USH2A: variants seen among roughly 807,000 people sequenced by gnomAD.
USH2A encodes usherin, also known as Usher syndrome 2A (autosomal recessive, mild).
Under a neutral mutation model 538.9 loss-of-function variants are expected in USH2A, and 443 were observed. The ratio of observed to expected loss-of-function variants is 0.82; its 90% CI spans 0.76 to 0.89. The LOEUF (loss-of-function observed/expected upper bound fraction) is 0.89, where lower values mean the gene tolerates loss of function less well. Ranked by LOEUF, USH2A falls within the 40% of genes least tolerant of loss-of-function variation. The pLI is 0.00. For missense variants in USH2A, 6,633 were observed against 6,324.8 expected (o/e 1.05, Z -1.65); for synonymous variants, 2,413 against 2,273.5 (o/e 1.06, Z -1.75).
chr1:215,801,270 T>A (rs972187229), intron 49 of USH2A, among the ~76,000 whole-genome samples: 4 of 151,714 alleles, frequency 2.6e-5, no homozygotes, highest in Admixed American at 6.6e-5. Context: ...CTACATAATA[T>A]TGGATATTAT....
At chr1:216,220,610 A>G (rs2035438316) in intron 14 of USH2A, among the ~76,000 whole-genome samples, 1 of 151,768 alleles carries the variant, frequency 6.6e-6, no homozygotes, top group South Asian at 2.1e-4. Flanking sequence ...GAAAAAAAAG[A>G]AAAAGCAGAA....
intron 44 of USH2A, among the ~76,000 whole-genome samples, chr1:215,852,957 T>C (rs538860284): frequency 1.7e-4 from 26 of 152,290 alleles, no homozygotes; most frequent in Admixed American, 6.5e-4. Flanking sequence ...GTGCAAGCTG[T>C]TGGTGGATCT....
chr1:216,208,112 C>T (rs1025424793), intron 15 of USH2A, among the ~76,000 whole-genome samples: 1 of 151,986 alleles, frequency 6.6e-6, no homozygotes, highest in African/African-American at 2.4e-5. Context: ...AAATATATAC[C>T]ATGAAAACAT....
rs2036153374 is a variant in USH2A, at chr1:216,251,095, C to T, written c.1975G>A (p.Gly659Arg). ...RNGSILCDQIGGQCNCKRHVS... is the reference protein window; with the variant it reads ...RNGSILCDQIRGQCNCKRHVS... Reference sequence around the variant, plus strand: ...TGTCTCTTACAATTACACTGTCCTCCAATCTAGAGAAGATACAACATTTTG... The same window carrying T: ...TGTCTCTTACAATTACACTGTCCTCTAATCTAGAGAAGATACAACATTTTG... Residue 659 changes from glycine to arginine, a missense_variant, in exon 12 of 72, where the codon GGA becomes AGA. Coordinates refer to ENST00000307340, the MANE Select transcript of USH2A (RefSeq NM_206933.4). 2.5e-6 allele frequency: 4 copies of T among 1,613,906 alleles called. No individual in the cohort carries two copies. The highest frequency in any genetic ancestry group is 2.7e-5 in the African/African-American group (2 of 75,032).
chr1:216,026,317 ATT>A lies in USH2A; in HGVS notation c.6325+20112_6325+20113del, dbSNP rs960117745. ...CTTGAATATTTAAAATAATTGATCAATTTTTTTACTTTAATATAATCAAAACA... is the reference window on the plus strand; with the variant it reads ...CTTGAATATTTAAAATAATTGATCAATTTTTACTTTAATATAATCAAAACA... On this transcript the variant is annotated intron_variant, in intron 32 of 71. Coordinates refer to ENST00000307340, the MANE Select transcript of USH2A (RefSeq NM_206933.4). Among the ~76,000 whole-genome samples, 4 of 152,102 alleles carry A rather than the reference ATT, an allele frequency of 2.6e-5. No homozygotes were observed. In the East Asian group the frequency reaches 5.8e-4, roughly 22 times the overall value.
At chr1:216,275,952 G>A (rs565662329) in intron 11 of USH2A, among the ~76,000 whole-genome samples, 7 of 152,178 alleles carry the variant, frequency 4.6e-5, no homozygotes, top group Admixed American at 3.9e-4. Flanking sequence ...TTAGCAATCT[G>A]CTGTAGGTTT....
chr1:216,131,593 C>T (rs1354066034), intron 21 of USH2A, among the ~76,000 whole-genome samples: 1 of 152,040 alleles, frequency 6.6e-6, no homozygotes, highest in Admixed American at 6.6e-5. Flanking sequence ...AAATGATCAA[C>T]ATGATCAGTA....
chr1:215,879,163 A>C, intron 41 of USH2A, 65 bp from the exon 42 acceptor site: 1 of 1,448,262 alleles, frequency 6.9e-7, no homozygotes, highest in South Asian at 1.1e-5. Context: ...GAAGTTCACG[A>C]GGCCTAGAAT....
At chr1:215,750,359 AG>A (rs1660587960) in intron 58 of USH2A, among the ~76,000 whole-genome samples, 1 of 151,786 alleles carries the variant, frequency 6.6e-6, no homozygotes, top group Non-Finnish European at 1.5e-5. Context: ...TCCTGACAAG[AG>A]GGACAGTGTC....
intron 61 of USH2A, among the ~76,000 whole-genome samples, chr1:215,723,439 T>A (rs914561446): frequency 6.6e-6 from 1 of 152,162 alleles, no homozygotes; most frequent in Non-Finnish European, 1.5e-5. Flanking sequence ...CTCAGCAACA[T>A]CCACCTGTCT....
At chr1:216,108,803 TTC>T (rs2032798439) in intron 21 of USH2A, among the ~76,000 whole-genome samples, 1 of 152,188 alleles carries the variant, frequency 6.6e-6, no homozygotes, top group African/African-American at 2.4e-5. Flanking sequence ...ATTTTATTTC[TTC>T]TTAGAGCTAT....
Position 215,674,459 on chromosome 1 carries a change from G to A in USH2A, c.13452C>T (p.Thr4484=). ...IRSYELRRDG[T]IVYTGLETRY... ...GTGTTTCCAAGCCTGTATATACAAT[G>A]GTTCCATCCCTCCTAAGTTCATAAC... The change falls in exon 63 of 72, where the codon ACC becomes ACT. Residue 4484 remains threonine, a synonymous_variant. Coordinates refer to ENST00000307340, the MANE Select transcript of USH2A (RefSeq NM_206933.4). 6.2e-7 allele frequency: 1 copy of A among 1,614,148 alleles called. No individual in the cohort carries two copies. The highest frequency in any genetic ancestry group is 8.5e-7 in the Non-Finnish European group (1 of 1,180,020).
intron 30 of USH2A, among the ~76,000 whole-genome samples, chr1:216,062,034 G>A (rs2031204697): frequency 6.6e-6 from 1 of 152,182 alleles, no homozygotes; most frequent in African/African-American, 2.4e-5. Flanking sequence ...CCAGTCAGAA[G>A]GTTATATTAG....
chr1:216,196,777 A>AT, intron 18 of USH2A, 55 bp from the exon 19 acceptor site: 1 of 1,564,074 alleles, frequency 6.4e-7, no homozygotes, highest in Non-Finnish European at 8.7e-7. Flanking sequence ...GTCCCTATAT[A>AT]TTTTTAAATT....
chr1:215,671,369 C>T, intron 63 of USH2A, 76 bp from the exon 64 acceptor site: 1 of 1,426,766 alleles, frequency 7.0e-7, no homozygotes, highest in Non-Finnish European at 9.7e-7. Context: ...AAACACCAGG[C>T]CTTAAAAAAA....
chr1:216,331,099 G>T (rs2037852483), intron 4 of USH2A, among the ~76,000 whole-genome samples: 1 of 151,940 alleles, frequency 6.6e-6, no homozygotes, highest in Admixed American at 6.6e-5. Flanking sequence ...TCATAAAAAA[G>T]AGTTACAGCA....
chr1:216,410,983 T>A (rs1469867067), intron 3 of USH2A, among the ~76,000 whole-genome samples: 2 of 152,226 alleles, frequency 1.3e-5, no homozygotes, highest in African/African-American at 4.8e-5. Flanking sequence ...GCCAAAGTGA[T>A]CTTTAGGAAA....
At chr1:216,285,003 A>C (rs1035099628) in intron 11 of USH2A, among the ~76,000 whole-genome samples, 3 of 152,242 alleles carry the variant, frequency 2.0e-5, no homozygotes, top group African/African-American at 7.2e-5. Flanking sequence ...TAAGTGTTAA[A>C]GAGGAAGCAG....
At chr1:216,339,724 C>G (rs182599663) in intron 4 of USH2A, among the ~76,000 whole-genome samples, 39 of 152,058 alleles carry the variant, frequency 2.6e-4, no homozygotes, top group African/African-American at 8.7e-4. Context: ...CAACCTACTC[C>G]TGAACGACTC....
Sources: gnomAD v4.1 joint callset for allele counts (sites outside exome capture counted in the v4.1 genomes callset) on GRCh38, gnomAD v4.1.1 for gene constraint, MANE v1.5 for transcripts, NCBI Gene and HGNC (gene_info 2026-07-23, HGNC 2026-07-21) for gene names.